Variants in CLIC4 observed in about 807,000 individuals in gnomAD.
CLIC4 encodes the protein chloride intracellular channel protein 4.
A neutral mutation model predicts 24.6 loss-of-function variants in CLIC4; 13 were observed. The observed-to-expected ratio is 0.53, with a 90% confidence interval of 0.34 to 0.84. CLIC4 has a LOEUF of 0.84. Ranked by LOEUF, CLIC4 falls within the 40% of genes least tolerant of loss-of-function variation. The pLI is 0.01. For synonymous variants in CLIC4, 104 were observed against 111.3 expected, an observed-to-expected ratio of 0.93 and a Z score of 0.41; for missense variants, 227 against 301.7, an observed-to-expected ratio of 0.75 and a Z score of 1.83.
chr1:24,772,147 C>T (rs184733901), intron 1 of CLIC4, among the ~76,000 whole-genome samples: 4 of 152,074 alleles, frequency 2.6e-5, no homozygotes, highest in East Asian at 1.9e-4. Flanking sequence ...TTCTTTGACC[C>T]GAAAGAATAT....
At chr1:24,775,220 CTTTCTT>C (rs1245061514) in intron 1 of CLIC4, among the ~76,000 whole-genome samples, 3 of 77,034 alleles carry the variant, frequency 3.9e-5, no homozygotes, top group Admixed American at 2.7e-4. Flanking sequence ...TCCTTTCTTT[CTTTCTT>C]TTTTTTTTTT....
chr1:24,770,020 T>C (rs2124100378), intron 1 of CLIC4, among the ~76,000 whole-genome samples: 1 of 152,034 alleles, frequency 6.6e-6, no homozygotes, highest in African/African-American at 2.4e-5. Context: ...GCCCAGCTAA[T>C]TTTTTTTAAA....
chr1:24,808,762 C>T (rs537411892), intron 2 of CLIC4, among the ~76,000 whole-genome samples: 13 of 151,570 alleles, frequency 8.6e-5, no homozygotes, highest in African/African-American at 2.7e-4. Context: ...CTGCAACCTC[C>T]GCCTCTCGGG....
chr1:24,819,702 G>A (rs965457981), intron 3 of CLIC4, among the ~76,000 whole-genome samples: 1 of 151,532 alleles, frequency 6.6e-6, no homozygotes, highest in Non-Finnish European at 1.5e-5. Context: ...GCCTCCCAGA[G>A]TGCTGGGATT....
At chr1:24,819,442 T>G (rs1639703636) in intron 3 of CLIC4, among the ~76,000 whole-genome samples, 1 of 151,660 alleles carries the variant, frequency 6.6e-6, no homozygotes, top group Non-Finnish European at 1.5e-5. Flanking sequence ...GAAATAACTT[T>G]TTTTTTTTTT....
At chr1:24,778,526 CT>C (rs1259388357) in intron 1 of CLIC4, among the ~76,000 whole-genome samples, 5 of 151,822 alleles carry the variant, frequency 3.3e-5, no homozygotes, top group Admixed American at 2.6e-4. Context: ...AGCTTTCGTC[CT>C]TTTTTTTCTT....
chr1:24,789,387 G>A (rs1258205430), intron 1 of CLIC4, among the ~76,000 whole-genome samples: 2 of 152,144 alleles, frequency 1.3e-5, no homozygotes, highest in African/African-American at 4.8e-5. Context: ...GTATGGTGAT[G>A]TGTGCCTATA....
rs1247158833 is a variant in CLIC4, at chr1:24,805,101, A to AC, written c.182+7250_182+7251insC. Among the ~76,000 whole-genome samples the AC allele has an allele frequency of 1.4e-5, 2 of 144,720 alleles. 1 individual carries two copies. Among genetic ancestry groups the AC allele is most frequent in the African/African-American group, 5.0e-5 (2 of 39,788 alleles). 94.9% of individuals were successfully genotyped at this position (144,720 alleles called of 152,430 possible). ...GACTCCATGTCAAAAAAAAAAAAAA[A>AC]AAAACACAAAAACAAAGACAAACGA... On this transcript the variant is annotated intron_variant, in intron 2 of 5. Transcript: ENST00000374379.
At chr1:24,831,868 A>T (rs1639845257) in intron 4 of CLIC4, among the ~76,000 whole-genome samples, 1 of 152,184 alleles carries the variant, frequency 6.6e-6, no homozygotes, top group Non-Finnish European at 1.5e-5. Flanking sequence ...TGAACTGCTG[A>T]CCTCAGGTGA....
Position 24,819,743 on chromosome 1 carries a change from C to T in CLIC4, c.308+5524C>T, listed in dbSNP as rs534025384. On this transcript the variant is annotated intron_variant, in intron 3 of 5. Transcript: ENST00000374379. ...CATGAGCCACCGCGCCTGACCATAA[C>T]TTTTTTTCTTTTTTTTTTGACAGAG... Among the ~76,000 whole-genome samples the T allele has an allele frequency of 6.1e-3, 811 of 132,312 alleles. 6 individuals carry two copies. Among genetic ancestry groups the T allele is most frequent in the African/African-American group, 0.022 (769 of 34,872 alleles). 86.8% of individuals were successfully genotyped at this position (132,312 alleles called of 152,430 possible).
At chr1:24,808,272 G>A (rs1479533971) in intron 2 of CLIC4, among the ~76,000 whole-genome samples, 1 of 152,062 alleles carries the variant, frequency 6.6e-6, no homozygotes, top group African/African-American at 2.4e-5. Flanking sequence ...TATCCATGGG[G>A]GATTGGTTCA....
chr1:24,828,913 G>C (rs1466897629), intron 4 of CLIC4, among the ~76,000 whole-genome samples: 1 of 152,068 alleles, frequency 6.6e-6, no homozygotes, highest in Non-Finnish European at 1.5e-5. Flanking sequence ...AAAAGTTCCA[G>C]TTGCCAAGCA....
At chr1:24,822,721 A>AT (rs1639747874) in intron 3 of CLIC4, among the ~76,000 whole-genome samples, 1 of 152,222 alleles carries the variant, frequency 6.6e-6, no homozygotes, top group Non-Finnish European at 1.5e-5. Flanking sequence ...GCATTGAAAC[A>AT]GCATGTTTGA....
chr1:24,799,423 T>C (rs540534520), intron 2 of CLIC4, among the ~76,000 whole-genome samples: 3 of 145,766 alleles, frequency 2.1e-5, no homozygotes, highest in African/African-American at 7.8e-5. Flanking sequence ...AACCACCCCG[T>C]CTGAGAAGTG....
At chr1:24,745,898 G>T (rs1395962903) in intron 1 of CLIC4, among the ~76,000 whole-genome samples, 1 of 151,078 alleles carries the variant, frequency 6.6e-6, no homozygotes, top group Non-Finnish European at 1.5e-5. Flanking sequence ...CCCGCGCCCG[G>T]GTGGGTCGGG....
At chr1:24,748,111 G>C (rs1435213041) in intron 1 of CLIC4, among the ~76,000 whole-genome samples, 1 of 151,964 alleles carries the variant, frequency 6.6e-6, no homozygotes, top group Non-Finnish European at 1.5e-5. Flanking sequence ...AATCAAAGAA[G>C]ACAAGAAAAA....
chr1:24,745,802 A>G (rs1278875146), intron 1 of CLIC4, among the ~76,000 whole-genome samples, 177 bp downstream of exon 1: 2 of 151,476 alleles, frequency 1.3e-5, no homozygotes, highest in Non-Finnish European at 2.9e-5. Flanking sequence ...CCCGCCTCCG[A>G]GGGCCCGTCG....
At chr1:24,829,966 T>C (rs1275548887) in intron 4 of CLIC4, among the ~76,000 whole-genome samples, 1 of 152,242 alleles carries the variant, frequency 6.6e-6, no homozygotes, top group Non-Finnish European at 1.5e-5. Flanking sequence ...GGTTACCCTT[T>C]ATTAAGACTG....
At chr1:24,835,312 C>A (rs1462694012) in intron 4 of CLIC4, among the ~76,000 whole-genome samples, 1 of 152,210 alleles carries the variant, frequency 6.6e-6, no homozygotes, top group Non-Finnish European at 1.5e-5. Flanking sequence ...CCTGTAATCC[C>A]AGCACTTGGG....
Sources: allele counts gnomAD v4.1 joint callset (sites outside exome capture counted in the v4.1 genomes callset), GRCh38; gene constraint gnomAD v4.1.1; transcripts MANE v1.5; gene names NCBI Gene and HGNC (gene_info 2026-07-23, HGNC 2026-07-21).